The following SCFD2 variants were observed in gnomAD, a reference collection of about 807,000 sequenced individuals.
SCFD2 encodes sec1 family domain containing 2.
A neutral mutation model predicts 58.9 loss-of-function variants in SCFD2; 54 were observed. That is an observed-to-expected ratio of 0.92 (90% CI 0.74 to 1.15). The LOEUF (loss-of-function observed/expected upper bound fraction) is 1.15. Among genes scored for constraint, SCFD2 ranks in the 50% most tolerant of loss-of-function variants. SCFD2 has a pLI of 0.00. For missense variants in SCFD2, 805 were observed against 836.6 expected (o/e 0.96, Z 0.47); for synonymous variants, 321 against 335.9 (o/e 0.96, Z 0.49).
chr4:52,958,598 C>T (rs1560493865), intron 5 of SCFD2, among the ~76,000 whole-genome samples: 1 of 152,110 alleles, frequency 6.6e-6, no homozygotes, highest in African/African-American at 2.4e-5. Context: ...CTACAGATCT[C>T]ACAGCCACCA....
At chr4:52,959,126 C>A (rs574211627) in intron 5 of SCFD2, among the ~76,000 whole-genome samples, 4 of 152,250 alleles carry the variant, frequency 2.6e-5, no homozygotes, top group African/African-American at 9.6e-5. Flanking sequence ...ATATGTTTAA[C>A]CACTATGCTA....
intron 7 of SCFD2, among the ~76,000 whole-genome samples, chr4:52,903,820 C>A (rs1177335050): frequency 1.3e-5 from 2 of 152,148 alleles, no homozygotes; most frequent in Admixed American, 1.3e-4. Flanking sequence ...AAATTGATAT[C>A]TTGACCCACT....
chr4:53,352,629 CATT>C lies in SCFD2; in HGVS notation c.973_975del (p.Asn325del). ...TGTGAAAGACAGCCTGGTGCAACCA[CATT>C]ATAATTTTCCTCCTCAGTATGGAGT... is the stretch of plus-strand genomic sequence containing the variant. On this transcript the variant is annotated inframe_deletion, in exon 2 of 9. Transcript: ENST00000401642. The C allele has an allele frequency of 6.2e-7, 1 of 1,613,732 alleles. No individual in the cohort carries two copies. The highest frequency in any genetic ancestry group is 8.5e-7 in the Non-Finnish European group (1 of 1,179,820).
At chr4:53,171,974 T>C (rs936524814) in intron 4 of SCFD2, among the ~76,000 whole-genome samples, 3 of 149,532 alleles carry the variant, frequency 2.0e-5, no homozygotes, top group Non-Finnish European at 4.5e-5. Flanking sequence ...TTTATTTATT[T>C]ATTTTTATTT....
intron 4 of SCFD2, among the ~76,000 whole-genome samples, chr4:53,225,887 T>A (rs1323230507): frequency 6.6e-6 from 1 of 152,222 alleles, no homozygotes; most frequent in Non-Finnish European, 1.5e-5. Flanking sequence ...GGCTTTTAGG[T>A]TTTTCCCTAT....
At position 53,247,426 on chromosome 4, in the gene SCFD2, A is replaced by G. The variant is rs1397632486; in HGVS notation, c.1311+26400T>C. 3.3e-5 allele frequency among the ~76,000 whole-genome samples: 5 copies of G among 152,248 alleles called. No homozygotes were observed. The South Asian group carries it at 1.0e-3, about 32-fold the overall frequency. ...AAAAATATAAATTGTTCTATCATAA[A>G]AACACATGCACATGTATGTTCATTG... is the stretch of plus-strand genomic sequence containing the variant. On this transcript the variant is annotated intron_variant, in intron 4 of 8. Transcript: ENST00000401642.
chr4:53,344,039 A>G (rs569646488), intron 2 of SCFD2, among the ~76,000 whole-genome samples: 2 of 152,290 alleles, frequency 1.3e-5, no homozygotes, highest in Admixed American at 1.3e-4. Flanking sequence ...AAACTGGCAC[A>G]AGACAGGGAT....
intron 4 of SCFD2, among the ~76,000 whole-genome samples, chr4:53,255,665 C>T (rs1444549194): frequency 6.6e-6 from 1 of 152,246 alleles, no homozygotes; most frequent in Non-Finnish European, 1.5e-5. Context: ...CCCCACCTTT[C>T]CCCCGTTTCT....
intron 3 of SCFD2, among the ~76,000 whole-genome samples, chr4:53,298,839 T>C (rs1485209472): frequency 6.6e-6 from 1 of 152,186 alleles, no homozygotes; most frequent in East Asian, 1.9e-4. Context: ...AAAAAGGGTC[T>C]GGAGTGGACC....
intron 5 of SCFD2, among the ~76,000 whole-genome samples, chr4:53,128,675 T>C (rs1222039920): frequency 6.6e-6 from 1 of 152,202 alleles, no homozygotes. Flanking sequence ...CCTTGAAATA[T>C]GTTTCTGGGA....
At chr4:53,084,532 T>TAACAGGA (rs1467413814) in intron 5 of SCFD2, among the ~76,000 whole-genome samples, 1 of 152,172 alleles carries the variant, frequency 6.6e-6, no homozygotes, top group Admixed American at 6.5e-5. Flanking sequence ...CTTACGAAGA[T>TAACAGGA]AACAGGATTA....
chr4:53,138,658 T>C (rs1391473939), intron 5 of SCFD2, among the ~76,000 whole-genome samples: 1 of 152,194 alleles, frequency 6.6e-6, no homozygotes, highest in Non-Finnish European at 1.5e-5. Flanking sequence ...AGAAATCTCC[T>C]CAAAAGTATC....
At chr4:53,043,735 G>T (rs989570607) in intron 5 of SCFD2, among the ~76,000 whole-genome samples, 1 of 152,096 alleles carries the variant, frequency 6.6e-6, no homozygotes, top group African/African-American at 2.4e-5. Flanking sequence ...GTGGTAACTG[G>T]AAATGGAGAA....
intron 4 of SCFD2, among the ~76,000 whole-genome samples, chr4:53,230,322 T>G (rs373731294): frequency 2.6e-5 from 4 of 152,064 alleles, no homozygotes; most frequent in African/African-American, 4.8e-5. Flanking sequence ...CACATGCACA[T>G]GTATGTTTAT....
chr4:53,218,831 C>T (rs1728949536), intron 4 of SCFD2, among the ~76,000 whole-genome samples: 3 of 152,152 alleles, frequency 2.0e-5, no homozygotes, highest in Non-Finnish European at 2.9e-5. Flanking sequence ...GTGTGGATGT[C>T]CTTTCTGTTT....
chr4:52,908,271 C>T lies in SCFD2; in HGVS notation c.1708-680G>A, dbSNP rs1327556986. Among the ~76,000 whole-genome samples, 22 of 152,194 alleles carry T rather than the reference C, an allele frequency of 1.4e-4. 1 individual carries two copies. Among genetic ancestry groups the T allele is most frequent in the Admixed American group, 1.2e-3 (18 of 15,278 alleles). On this transcript the variant is annotated intron_variant, in intron 6 of 8. Coordinates refer to ENST00000401642, the MANE Select transcript of SCFD2 (RefSeq NM_152540.4). ...TTCCTTTTCTGTAACCTGAATAACC[C>T]GTCCATGTTTAGGTTATATGGGGAG...
At chr4:53,167,087 A>G (rs1727033499) in intron 4 of SCFD2, among the ~76,000 whole-genome samples, 1 of 152,188 alleles carries the variant, frequency 6.6e-6, no homozygotes, top group Admixed American at 6.5e-5. Context: ...CCCTTTGCCT[A>G]GACTTCCTCA....
At position 53,301,230 on chromosome 4, in the gene SCFD2, A is replaced by G. The variant is rs546032922; in HGVS notation, c.1135+12406T>C. ...AGACTAATAAAGAAGAAAAGAGAGA[A>G]GAATCAAATAGATGCAATAAAAAAT... On this transcript the variant is annotated intron_variant, in intron 3 of 8. Coordinates refer to ENST00000401642, the MANE Select transcript of SCFD2 (RefSeq NM_152540.4). Among the ~76,000 whole-genome samples the G allele has an allele frequency of 1.1e-4, 17 of 152,344 alleles. No homozygotes were observed. In the East Asian group the frequency reaches 3.3e-3, roughly 29 times the overall value.
intron 5 of SCFD2, among the ~76,000 whole-genome samples, chr4:53,004,563 G>A (rs1404453115): frequency 6.6e-6 from 1 of 152,212 alleles, no homozygotes; most frequent in Admixed American, 6.5e-5. Context: ...AAGGCACGTA[G>A]ATGTTAAGTA....
Sources: allele counts gnomAD v4.1 joint callset (sites outside exome capture counted in the v4.1 genomes callset), GRCh38; gene constraint gnomAD v4.1.1; transcripts MANE v1.5; gene names NCBI Gene and HGNC (gene_info 2026-07-23, HGNC 2026-07-21).